The following PCLO variants were observed in gnomAD, a reference collection of about 807,000 sequenced individuals.
The protein encoded by PCLO is piccolo presynaptic cytomatrix protein, also known as protein piccolo.
PCLO carries 82 observed loss-of-function variants against 427.5 expected under a neutral mutation model. That is an observed-to-expected ratio of 0.19 (90% confidence interval 0.16 to 0.23). The LOEUF is 0.23. Among genes scored for constraint, PCLO ranks in the 10% least tolerant of loss-of-function variants. PCLO has a pLI of 1.00. For synonymous variants in PCLO, 2,357 were observed against 2,155.4 expected (o/e 1.09, Z -2.59); for missense variants, 6,239 against 6,115.9 (o/e 1.02, Z -0.67).
chr7:82,866,476 T>C (rs1331409486), intron 10 of PCLO, among the ~76,000 whole-genome samples: 6 of 151,906 alleles, frequency 3.9e-5, no homozygotes, highest in Admixed American at 3.3e-4. Context: ...TTATACAATA[T>C]GTACTAAAAA....
intron 10 of PCLO, among the ~76,000 whole-genome samples, chr7:82,859,092 G>C (rs1792886425): frequency 6.6e-6 from 1 of 152,174 alleles, no homozygotes; most frequent in Non-Finnish European, 1.5e-5. Flanking sequence ...CAATACAATA[G>C]AACACCAGGT....
intron 3 of PCLO, among the ~76,000 whole-genome samples, chr7:82,990,182 G>T (rs1796344899): frequency 1.3e-5 from 2 of 152,110 alleles, no homozygotes; most frequent in South Asian, 4.1e-4. Context: ...TGAATTCACT[G>T]TGTAGGTATA....
chr7:83,033,923 C>T (rs946297961), intron 3 of PCLO, among the ~76,000 whole-genome samples: 1 of 152,068 alleles, frequency 6.6e-6, no homozygotes, highest in African/African-American at 2.4e-5. Context: ...TAATTCATTC[C>T]AAGATAAAAT....
chr7:83,082,176 T>C (rs1364450788), intron 3 of PCLO, among the ~76,000 whole-genome samples: 1 of 151,376 alleles, frequency 6.6e-6, no homozygotes, highest in African/African-American at 2.4e-5. Context: ...AAATTTTTCA[T>C]ACGGGGAATG....
intron 6 of PCLO, among the ~76,000 whole-genome samples, chr7:82,948,794 A>G (rs1795262971): frequency 6.6e-6 from 1 of 152,102 alleles, no homozygotes; most frequent in Admixed American, 6.6e-5. Flanking sequence ...ATGAAAAATT[A>G]TTTTTGCTTC....
intron 16 of PCLO, 96 bp downstream of exon 16, chr7:82,835,570 GC>G (rs1306400192): frequency 7.3e-6 from 6 of 823,476 alleles, no homozygotes; most frequent in Non-Finnish European, 1.2e-5. Context: ...ATAAGTTACA[GC>G]CCATGTTGAA....
intron 8 of PCLO, among the ~76,000 whole-genome samples, chr7:82,906,495 G>A (rs1223228420): frequency 3.9e-5 from 6 of 151,904 alleles, no homozygotes; most frequent in Non-Finnish European, 7.4e-5. Context: ...AAATATTAAT[G>A]CAAAAAGCAT....
intron 20 of PCLO, chr7:82,821,191 T>C: frequency 1.0e-6 from 1 of 994,192 alleles, no homozygotes; most frequent in Non-Finnish European, 1.2e-6. Flanking sequence ...CATTGGCTGG[T>C]GGAGGCAGAT....
At chr7:82,999,161 GA>G (rs35297512) in intron 3 of PCLO, among the ~76,000 whole-genome samples, 17 of 115,750 alleles carry the variant, frequency 1.5e-4, no homozygotes, top group South Asian at 2.6e-4. Context: ...AATGAAGACT[GA>G]AAAAAAAAAA....
chr7:82,869,802 T>C (rs758837580), intron 10 of PCLO, among the ~76,000 whole-genome samples: 42 of 151,898 alleles, frequency 2.8e-4, no homozygotes, highest in Non-Finnish European at 4.3e-4. Flanking sequence ...TTAAAACAGC[T>C]ACAGTATAAT....
chr7:83,005,162 T>C (rs1787916798), intron 3 of PCLO, among the ~76,000 whole-genome samples: 1 of 151,448 alleles, frequency 6.6e-6, no homozygotes, highest in Admixed American at 6.6e-5. Context: ...GGGTATATAT[T>C]AAAAAGAAAT....
chr7:82,844,808 G>T (rs1362385454), intron 13 of PCLO, among the ~76,000 whole-genome samples: 1 of 152,128 alleles, frequency 6.6e-6, no homozygotes, highest in Non-Finnish European at 1.5e-5. Flanking sequence ...ATATGGAATT[G>T]AGGATAAAGT....
chr7:82,793,699 T>A (rs1447725463), intron 22 of PCLO, among the ~76,000 whole-genome samples: 1 of 152,200 alleles, frequency 6.6e-6, no homozygotes, highest in African/African-American at 2.4e-5. Context: ...ATATTTGATT[T>A]CCATATCTCT....
At chr7:82,861,995 A>G (rs1792969645) in intron 10 of PCLO, among the ~76,000 whole-genome samples, 2 of 151,962 alleles carry the variant, frequency 1.3e-5, no homozygotes, top group Non-Finnish European at 2.9e-5. Context: ...ATAAGTGTCT[A>G]AATCAAAAAG....
At chr7:82,784,741 C>A (rs1455307808) in intron 22 of PCLO, among the ~76,000 whole-genome samples, 8 of 152,140 alleles carry the variant, frequency 5.3e-5, no homozygotes, top group African/African-American at 1.9e-4. Context: ...TCTAGTTTGG[C>A]TTTCTATCTA....
At chr7:82,899,251 T>G (rs2116173178) in intron 9 of PCLO, among the ~76,000 whole-genome samples, 1 of 151,566 alleles carries the variant, frequency 6.6e-6, no homozygotes, top group East Asian at 1.9e-4. Flanking sequence ...TACCAAATAT[T>G]TAGTCAATCA....
Position 82,955,957 on chromosome 7 carries a change from G to T in PCLO, c.4996C>A (p.Arg1666=), listed in dbSNP as rs1161523710. 1 of 1,613,488 alleles carries T rather than the reference G, an allele frequency of 6.2e-7. No individual in the cohort carries two copies. The change falls in exon 5 of 25, where the codon CGA becomes AGA. Residue 1666 remains arginine, a synonymous_variant. Coordinates refer to ENST00000333891, the MANE Select transcript of PCLO (RefSeq NM_033026.6). ...LVVTGGGGLR[R]FKTIELNSTI... ...CTGTTGAGCTCAATTGTTTTAAATC[G>T]GCGTAGCCCTCCTCCTCCAGTAACT...
rs373154727 is a variant in PCLO, at chr7:82,846,626, T to C, written c.13772A>G (p.Asn4591Ser). The change falls in exon 12 of 25, where the codon AAT becomes AGT. Residue 4591 changes from asparagine (N) to serine (S), a missense_variant. Transcript: ENST00000333891. ...GGAATTTTCAGAATCTGATAGCATATTGAGGTCCCTAAAAATTAAAACAAA... is the reference window on the plus strand; with the variant it reads ...GGAATTTTCAGAATCTGATAGCATACTGAGGTCCCTAAAAATTAAAACAAA... ...EAEICVRLDL[N>S]MLSDSENSQH... The C allele has an allele frequency of 1.4e-5, 22 of 1,598,366 alleles. No individual in the cohort carries two copies. Among genetic ancestry groups the C allele is most frequent in the East Asian group, 9.0e-5 (4 of 44,556 alleles).
At chr7:83,142,228 G>C (rs10274656) in intron 2 of PCLO, among the ~76,000 whole-genome samples, 28,628 of 152,088 alleles carry the variant, frequency 0.19, 2,832 homozygotes, top group African/African-American at 0.23. Context: ...ATTTATATTT[G>C]CTCCTTTTTG....
Sources: allele counts gnomAD v4.1 joint callset (sites outside exome capture counted in the v4.1 genomes callset), GRCh38; gene constraint gnomAD v4.1.1; transcripts MANE v1.5; gene names NCBI Gene and HGNC (gene_info 2026-07-23, HGNC 2026-07-21).